The following AUTS2 variants were observed in gnomAD, a reference collection of about 807,000 sequenced individuals.
AUTS2 encodes activator of transcription and developmental regulator AUTS2, also known as autism susceptibility gene 2 protein.
Under a neutral mutation model 112.4 loss-of-function variants are expected in AUTS2, and 17 were observed. The observed-to-expected ratio is 0.15, with a 90% CI of 0.10 to 0.23. The LOEUF is 0.23. AUTS2 is among the 10% of genes least tolerant of loss of function. The probability of loss-of-function intolerance (pLI) is 1.00; values close to 1 mark genes in which losing one functional copy is unlikely to be tolerated. For synonymous variants in AUTS2, 751 were observed against 702.7 expected (o/e 1.07, Z -1.09); for missense variants, 1,510 against 1,701.6 (o/e 0.89, Z 1.98).
At chr7:70,735,316 C>T (rs115928802) in intron 6 of AUTS2, among the ~76,000 whole-genome samples, 35 of 152,252 alleles carry the variant, frequency 2.3e-4, no homozygotes, top group African/African-American at 7.9e-4. Context: ...GATGTCAAAA[C>T]GACATGGCAA....
chr7:70,785,503 G>A (rs763865317), intron 16 of AUTS2: 14 of 466,764 alleles, frequency 3.0e-5, no homozygotes, highest in Middle Eastern at 3.2e-4. Context: ...TTGTGTATTC[G>A]ATCCCATCTG....
At chr7:70,685,998 C>G (rs1808458173) in intron 5 of AUTS2, among the ~76,000 whole-genome samples, 1 of 152,170 alleles carries the variant, frequency 6.6e-6, no homozygotes. Flanking sequence ...GTTTGCTGAG[C>G]AAGCCCCCGC....
chr7:70,495,790 A>G (rs1798446771), intron 5 of AUTS2, among the ~76,000 whole-genome samples: 1 of 116,128 alleles, frequency 8.6e-6, no homozygotes, highest in African/African-American at 3.5e-5. Flanking sequence ...ACACACACAC[A>G]CACCCCACAC....
At chr7:70,125,454 T>G (rs960097324) in intron 3 of AUTS2, among the ~76,000 whole-genome samples, 2 of 152,210 alleles carry the variant, frequency 1.3e-5, no homozygotes, top group African/African-American at 2.4e-5. Context: ...TTGTGTGGGC[T>G]TTGTAAGTTC....
At chr7:69,733,612 T>G (rs10229578) in intron 1 of AUTS2, among the ~76,000 whole-genome samples, 11,606 of 152,178 alleles carry the variant, frequency 0.076, 600 homozygotes, top group African/African-American at 0.14. Context: ...ACTTTCAAAG[T>G]TTTTTAAATT....
chr7:70,591,847 A>G (rs1029952523), intron 5 of AUTS2, among the ~76,000 whole-genome samples: 12 of 152,192 alleles, frequency 7.9e-5, no homozygotes, highest in Admixed American at 4.6e-4. Flanking sequence ...CCATTCCTCA[A>G]TTTGGCTGGT....
chr7:69,710,271 CT>C (rs1336813342), intron 1 of AUTS2, among the ~76,000 whole-genome samples: 6 of 152,124 alleles, frequency 3.9e-5, no homozygotes, highest in Admixed American at 1.3e-4. Context: ...AGATTGCATC[CT>C]TTTGAAGCTG....
At chr7:70,212,903 A>G (rs1282497465) in intron 4 of AUTS2, among the ~76,000 whole-genome samples, 4 of 152,180 alleles carry the variant, frequency 2.6e-5, no homozygotes, top group Admixed American at 2.6e-4. Flanking sequence ...ATGTGTAAAA[A>G]TACATAGATA....
Position 70,756,842 on chromosome 7 carries a change from T to C in AUTS2, c.743-6028T>C, listed in dbSNP as rs570064589. Among the ~76,000 whole-genome samples, 3 of 152,328 alleles carry C rather than the reference T, an allele frequency of 2.0e-5. No homozygotes were observed. The East Asian group carries it at 5.8e-4, about 29-fold the overall frequency. ...AAAAATCAGCGTATATTAAAACCCATGCAAAGAATTACTTTGTGTTTATAT... is the reference window on the plus strand; with the variant it reads ...AAAAATCAGCGTATATTAAAACCCACGCAAAGAATTACTTTGTGTTTATAT... On this transcript the variant is annotated intron_variant, in intron 6 of 18. Coordinates refer to ENST00000342771, the MANE Select transcript of AUTS2 (RefSeq NM_015570.4).
chr7:69,833,363 A>C (rs765304631), intron 1 of AUTS2, among the ~76,000 whole-genome samples: 8 of 152,134 alleles, frequency 5.3e-5, no homozygotes, highest in African/African-American at 1.9e-4. Context: ...TTGGATCTCA[A>C]CCTTTTAAAA....
intron 5 of AUTS2, among the ~76,000 whole-genome samples, chr7:70,569,962 G>C (rs140473380): frequency 1.3e-5 from 2 of 152,012 alleles, no homozygotes; most frequent in South Asian, 4.2e-4. Flanking sequence ...GGCAGCTAAC[G>C]AAGATGCCTC....
intron 5 of AUTS2, among the ~76,000 whole-genome samples, chr7:70,439,139 A>G (rs1172567955): frequency 6.6e-6 from 1 of 152,252 alleles, no homozygotes; most frequent in Non-Finnish European, 1.5e-5. Flanking sequence ...CTTGTGCACA[A>G]AAAGGCTTTG....
chr7:70,024,495 TC>T (rs1311822512), intron 2 of AUTS2, among the ~76,000 whole-genome samples: 10 of 152,242 alleles, frequency 6.6e-5, no homozygotes, highest in Non-Finnish European at 1.2e-4. Context: ...TTTTAATAGT[TC>T]CATCTGATTT....
chr7:70,307,313 A>T (rs1382854999), intron 4 of AUTS2, among the ~76,000 whole-genome samples: 6 of 152,180 alleles, frequency 3.9e-5, no homozygotes, highest in Non-Finnish European at 8.8e-5. Context: ...CCTGACCATC[A>T]CTATTGAACA....
chr7:70,745,641 T>G lies in AUTS2; in HGVS notation c.743-17229T>G, dbSNP rs372164090. Reference sequence around the variant, plus strand: ...CCACAGGCGTATACCTGGAGGCTTCTCCCACCTTTGATTATTAACACTGCT... The same window carrying G: ...CCACAGGCGTATACCTGGAGGCTTCGCCCACCTTTGATTATTAACACTGCT... On this transcript the variant is annotated intron_variant, in intron 6 of 18. Coordinates refer to ENST00000342771, the MANE Select transcript of AUTS2 (RefSeq NM_015570.4). Among the ~76,000 whole-genome samples, 40 of 152,342 alleles carry G rather than the reference T, an allele frequency of 2.6e-4. 1 individual carries two copies. In the South Asian group the frequency reaches 7.7e-3, roughly 29 times the overall value.
intron 1 of AUTS2, among the ~76,000 whole-genome samples, chr7:69,789,944 T>G (rs1349268213): frequency 6.6e-6 from 1 of 152,150 alleles, no homozygotes; most frequent in Non-Finnish European, 1.5e-5. Flanking sequence ...AAATATCTTT[T>G]TTTTCAACTT....
At chr7:69,900,452 T>C (rs1794922524) in intron 2 of AUTS2, among the ~76,000 whole-genome samples, 1 of 152,218 alleles carries the variant, frequency 6.6e-6, no homozygotes, top group Non-Finnish European at 1.5e-5. Flanking sequence ...AACAAAACAA[T>C]GGTTCCCAAA....
chr7:70,307,258 A>G (rs1486615919), intron 4 of AUTS2, among the ~76,000 whole-genome samples: 1 of 152,244 alleles, frequency 6.6e-6, no homozygotes, highest in Non-Finnish European at 1.5e-5. Flanking sequence ...GCAGTAGCTC[A>G]TAATTTCAAG....
At chr7:70,265,407 C>A (rs536270631) in intron 4 of AUTS2, among the ~76,000 whole-genome samples, 534 of 152,038 alleles carry the variant, frequency 3.5e-3, no homozygotes, top group Non-Finnish European at 6.1e-3. Context: ...TTCTAACTGG[C>A]TATTTGCTTA....
Sources: allele counts gnomAD v4.1 joint callset (sites outside exome capture counted in the v4.1 genomes callset), GRCh38; gene constraint gnomAD v4.1.1; transcripts MANE v1.5; gene names NCBI Gene and HGNC (gene_info 2026-07-23, HGNC 2026-07-21).